Variants in SLC24A2 observed in about 807,000 individuals in gnomAD.
SLC24A2 encodes solute carrier family 24 member 2.
In SLC24A2, 36 loss-of-function variants were observed where a neutral mutation model predicts 62.0. That is an observed-to-expected ratio of 0.58 (90% CI 0.44 to 0.77). The LOEUF (loss-of-function observed/expected upper bound fraction) is 0.77, where lower values mean the gene tolerates loss of function less well. Ranked by LOEUF, SLC24A2 falls within the 30% of genes least tolerant of loss-of-function variation. The pLI, the probability that SLC24A2 is intolerant of heterozygous loss-of-function variation, is 0.00. For synonymous variants in SLC24A2, 358 were observed against 294.0 expected (o/e 1.22, Z -2.23); for missense variants, 846 against 817.9 (o/e 1.03, Z -0.42).
the SLC24A2 span, among the ~76,000 whole-genome samples, chr9:20,175,176 C>G: frequency 6.6e-6 from 1 of 151,770 alleles, no homozygotes; most frequent in Non-Finnish European, 1.5e-5. Context: ...TAAGTGGGAG[C>G]TAAGCTATGA....
the SLC24A2 span, among the ~76,000 whole-genome samples, chr9:20,170,687 G>A: frequency 6.6e-6 from 1 of 151,958 alleles, no homozygotes; most frequent in Non-Finnish European, 1.5e-5. Context: ...AAGGAAGTTA[G>A]CAGACTAAAT....
At chr9:19,597,334 C>A in intron 4 of SLC24A2, 55 bp from the exon 5 acceptor site, 1 of 1,197,702 alleles carries the variant, frequency 8.3e-7, no homozygotes, top group Admixed American at 1.7e-5. Context: ...AATGCAAGAA[C>A]TTTGTTTTTA....
At position 19,622,451 on chromosome 9, in the gene SLC24A2, G is replaced by A. The variant is rs945644141; in HGVS notation, c.931-152C>T. On this transcript the variant is annotated intron_variant, in intron 2 of 10. Transcript: ENST00000341998. ...GAGTTAAGCCAAAACAGGGGACTAA[G>A]GATGTATATTTTTAGCCAAAATATA... 5 of 746,354 alleles carry A rather than the reference G, an allele frequency of 6.7e-6. No individual in the cohort carries two copies. In the African/African-American group the frequency reaches 7.0e-5, roughly 10 times the overall value. 46.2% of individuals were successfully genotyped at this position (746,354 alleles called of 1,614,324 possible). A position where few individuals can be genotyped will look rare whatever the true frequency, so the allele number is the denominator to read the frequency against.
chr9:19,875,331 G>A, the SLC24A2 span, among the ~76,000 whole-genome samples: 1 of 152,174 alleles, frequency 6.6e-6, no homozygotes, highest in Non-Finnish European at 1.5e-5. Flanking sequence ...TGAAAATGAG[G>A]TGGATGAAGC....
chr9:19,636,085 GC>G (rs1190595169), intron 2 of SLC24A2, among the ~76,000 whole-genome samples: 1 of 152,000 alleles, frequency 6.6e-6, no homozygotes, highest in Non-Finnish European at 1.5e-5. Context: ...TCCCTACTTT[GC>G]AACCAACCCC....
At chr9:19,815,516 T>C in the SLC24A2 span, among the ~76,000 whole-genome samples, 2 of 152,268 alleles carry the variant, frequency 1.3e-5, no homozygotes, top group East Asian at 1.9e-4. Context: ...TATCCTTTTT[T>C]TCCTTTTAAA....
the SLC24A2 span, among the ~76,000 whole-genome samples, chr9:19,845,335 G>A: frequency 3.3e-5 from 5 of 152,060 alleles, no homozygotes; most frequent in Admixed American, 1.3e-4. Flanking sequence ...GTGGTGTGTG[G>A]AAATGCTACT....
the SLC24A2 span, among the ~76,000 whole-genome samples, chr9:19,975,731 G>C: frequency 6.6e-6 from 1 of 151,924 alleles, no homozygotes; most frequent in East Asian, 1.9e-4. Context: ...ATTTGGGTTG[G>C]AGACTTTTTT....
At chr9:19,606,521 T>G (rs1360702713) in intron 4 of SLC24A2, among the ~76,000 whole-genome samples, 4 of 152,228 alleles carry the variant, frequency 2.6e-5, no homozygotes, top group African/African-American at 9.6e-5. Context: ...GGGCAAGCAC[T>G]GGCTAAAGTT....
chr9:20,121,616 T>C, the SLC24A2 span, among the ~76,000 whole-genome samples: 1 of 152,212 alleles, frequency 6.6e-6, no homozygotes, highest in African/African-American at 2.4e-5. Flanking sequence ...AAACGTGTTA[T>C]AAGTGCTTAC....
chr9:20,147,926 G>A, the SLC24A2 span, among the ~76,000 whole-genome samples: 1 of 152,068 alleles, frequency 6.6e-6, no homozygotes, highest in Non-Finnish European at 1.5e-5. Context: ...GGAGGACTGG[G>A]AAAATTAAAT....
the SLC24A2 span, among the ~76,000 whole-genome samples, chr9:19,825,242 A>G: frequency 4.6e-5 from 7 of 152,170 alleles, no homozygotes; most frequent in African/African-American, 1.7e-4. Context: ...TGTTTTAACC[A>G]TTGTCTCAAT....
intron 2 of SLC24A2, among the ~76,000 whole-genome samples, chr9:19,680,953 A>T (rs1374958967): frequency 3.3e-5 from 5 of 151,914 alleles, no homozygotes; most frequent in Non-Finnish European, 7.4e-5. Flanking sequence ...GATAAGTGCA[A>T]TAGCCTCTGG....
At position 19,514,988 on chromosome 9, in the gene SLC24A2, A is replaced by C. The variant is rs765299980; in HGVS notation, c.*1165T>G. 6.6e-6 allele frequency: 1 copy of C among 152,198 alleles called. No individual in the cohort carries two copies. The highest frequency in any genetic ancestry group is 1.5e-5 in the Non-Finnish European group (1 of 68,042). The allele number at this position is 152,198 out of a possible 1,614,324, so 9.4% of individuals were successfully genotyped here. A position where few individuals can be genotyped will look rare whatever the true frequency, so the allele number is the denominator to read the frequency against. On this transcript the variant is annotated 3_prime_UTR_variant, in exon 11 of 11. Coordinates refer to ENST00000341998, the MANE Select transcript of SLC24A2 (RefSeq NM_020344.4). ...ACGTTTTAAAGAACTATGCCCTTACATCCCATTAGGTGGCAAGGCCCACTA... is the reference window on the plus strand; with the variant it reads ...ACGTTTTAAAGAACTATGCCCTTACCTCCCATTAGGTGGCAAGGCCCACTA...
At chr9:19,974,341 A>C in the SLC24A2 span, among the ~76,000 whole-genome samples, 685 of 152,264 alleles carry the variant, frequency 4.5e-3, 6 homozygotes, top group African/African-American at 0.016. Flanking sequence ...GAACAATAAT[A>C]AAATATCTAT....
the SLC24A2 span, among the ~76,000 whole-genome samples, chr9:20,163,528 A>T: frequency 6.6e-6 from 1 of 152,218 alleles, no homozygotes; most frequent in Admixed American, 6.5e-5. Context: ...GGTAGGAAGA[A>T]TCAATACCAT....
At chr9:19,899,601 C>G in the SLC24A2 span, among the ~76,000 whole-genome samples, 1 of 152,126 alleles carries the variant, frequency 6.6e-6, no homozygotes, top group Admixed American at 6.5e-5. Context: ...ACAAAGAGAG[C>G]CAATGTTCTA....
chr9:20,086,249 C>G, the SLC24A2 span, among the ~76,000 whole-genome samples: 1 of 152,132 alleles, frequency 6.6e-6, no homozygotes, highest in African/African-American at 2.4e-5. Context: ...CTGGTGTTCT[C>G]AAATAGCCCA....
At chr9:19,773,807 T>A (rs1449945527) in intron 2 of SLC24A2, among the ~76,000 whole-genome samples, 1 of 152,182 alleles carries the variant, frequency 6.6e-6, no homozygotes, top group Non-Finnish European at 1.5e-5. Flanking sequence ...AGATTAAATA[T>A]TGATGATACA....
Sources: gnomAD v4.1 joint callset for allele counts (sites outside exome capture counted in the v4.1 genomes callset) on GRCh38, gnomAD v4.1.1 for gene constraint, MANE v1.5 for transcripts, NCBI Gene and HGNC (gene_info 2026-07-23, HGNC 2026-07-21) for gene names.